MID2: variants seen among roughly 807,000 people sequenced by gnomAD.
The protein encoded by MID2 is midline 2.
In MID2, 13 loss-of-function variants were observed where a neutral mutation model predicts 46.1. That is an observed-to-expected ratio of 0.28 (90% CI 0.18 to 0.45). The LOEUF (loss-of-function observed/expected upper bound fraction) is 0.45. MID2 is among the 20% of genes least tolerant of loss of function. The pLI is 1.00. For synonymous variants in MID2, 199 were observed against 212.3 expected (o/e 0.94, Z 0.55); for missense variants, 431 against 575.4 (o/e 0.75, Z 2.57).
chrX:107,837,066 A>G (rs752327258), intron 1 of MID2, among the ~76,000 whole-genome samples: 7 of 111,741 alleles, frequency 6.3e-5, no homozygotes, highest in Non-Finnish European at 1.3e-4. Context: ...GGAAGTTCAG[A>G]AGTCCCCGGT....
At chrX:107,852,911 G>A (rs1931660109) in intron 2 of MID2, among the ~76,000 whole-genome samples, 1 of 111,659 alleles carries the variant, frequency 9.0e-6, no homozygotes, top group South Asian at 3.8e-4. Context: ...TAGCAGCGTA[G>A]CACTTAACAT....
At chrX:107,834,670 A>C (rs748764980) in intron 1 of MID2, among the ~76,000 whole-genome samples, 1 of 111,973 alleles carries the variant, frequency 8.9e-6, no homozygotes, top group East Asian at 2.8e-4. Flanking sequence ...TGTAACACTC[A>C]TTGATCACTA....
At chrX:107,888,011 CTCTTT>C (rs1250314216) in intron 3 of MID2, among the ~76,000 whole-genome samples, 1 of 111,552 alleles carries the variant, frequency 9.0e-6, no homozygotes, top group African/African-American at 3.3e-5. Flanking sequence ...TGATTCTTCT[CTCTTT>C]TCTTCTTTAT....
intron 2 of MID2, 149 bp from the exon 3 acceptor site, chrX:107,854,460 G>C (rs1931698326): frequency 4.5e-6 from 2 of 447,590 alleles, no homozygotes; most frequent in African/African-American, 4.8e-5. Flanking sequence ...ACGTAGATTA[G>C]TGCTTGGCTC....
intron 3 of MID2, among the ~76,000 whole-genome samples, chrX:107,869,927 G>A (rs1417008346): frequency 9.1e-6 from 1 of 109,416 alleles, no homozygotes; most frequent in Non-Finnish European, 1.9e-5. Flanking sequence ...ACTTTCTTTT[G>A]CCTCAGCTAA....
At chrX:107,889,613 C>T (rs1295179692) in intron 3 of MID2, among the ~76,000 whole-genome samples, 4 of 110,876 alleles carry the variant, frequency 3.6e-5, no homozygotes, top group Non-Finnish European at 7.6e-5. Context: ...TTGCTCTTCT[C>T]GAGGGTATCT....
At chrX:107,844,630 C>T (rs1931420414) in intron 2 of MID2, among the ~76,000 whole-genome samples, 2 of 111,072 alleles carry the variant, frequency 1.8e-5, no homozygotes, top group South Asian at 7.7e-4. Flanking sequence ...TGCTGATAGA[C>T]TTCAACTCAA....
At chrX:107,833,524 A>G (rs1310239586) in intron 1 of MID2, among the ~76,000 whole-genome samples, 2 of 109,787 alleles carry the variant, frequency 1.8e-5, no homozygotes, top group Non-Finnish European at 3.8e-5. Flanking sequence ...TGAAGGGAAT[A>G]CTATAACTCC....
intron 3 of MID2, among the ~76,000 whole-genome samples, chrX:107,862,301 A>G (rs1019822989): frequency 2.7e-5 from 3 of 111,798 alleles, no homozygotes; most frequent in Non-Finnish European, 5.6e-5. Context: ...AGGACTTCCA[A>G]AGCTTTTTAT....
intron 3 of MID2, among the ~76,000 whole-genome samples, chrX:107,870,951 A>G (rs1932051477): frequency 9.1e-6 from 1 of 110,136 alleles, no homozygotes; most frequent in Admixed American, 9.6e-5. Context: ...AGTTAGTTTC[A>G]TTTTGATTTT....
chrX:107,858,913 C>T (rs1461019228), intron 3 of MID2, among the ~76,000 whole-genome samples: 1 of 111,674 alleles, frequency 9.0e-6, no homozygotes, highest in African/African-American at 3.3e-5. Context: ...AAGAGCTGGA[C>T]GGCACTGCTC....
chrX:107,869,759 C>A, intron 3 of MID2, among the ~76,000 whole-genome samples: 1 of 110,616 alleles, frequency 9.0e-6, no homozygotes. Flanking sequence ...TTTTTAAAAG[C>A]ATATGGAGAA....
intron 3 of MID2, among the ~76,000 whole-genome samples, chrX:107,870,357 G>A (rs992892605): frequency 9.2e-6 from 1 of 108,833 alleles, no homozygotes; most frequent in Non-Finnish European, 1.9e-5. Flanking sequence ...AGACCTTTTT[G>A]TCTTTCTCTG....
At chrX:107,902,387 A>G (rs1230111647) in intron 3 of MID2, among the ~76,000 whole-genome samples, 2 of 111,775 alleles carry the variant, frequency 1.8e-5, no homozygotes, top group African/African-American at 6.5e-5. Flanking sequence ...GGACCCAGAG[A>G]AAACTAAATG....
In MID2 at chrX:107,927,074, G is replaced by A; in HGVS notation, c.*1G>A. On this transcript the variant is annotated 3_prime_UTR_variant, in exon 10 of 10. Coordinates refer to ENST00000262843, the MANE Select transcript of MID2 (RefSeq NM_012216.4). ...TTCTGGGATGAAAACCTGTCATTAA[G>A]TTTCAGGAGAGTATATAATTCACTG... 8.4e-7 allele frequency: 1 copy of A among 1,194,496 alleles called. No individual in the cohort carries two copies. The highest frequency in any genetic ancestry group is 1.1e-6 in the Non-Finnish European group (1 of 885,858).
At chrX:107,892,658 G>A (rs747275232) in intron 3 of MID2, among the ~76,000 whole-genome samples, 1 of 111,584 alleles carries the variant, frequency 9.0e-6, no homozygotes, top group South Asian at 3.8e-4. Context: ...ATTATGATCT[G>A]GCCCCTACCT....
chrX:107,856,630 A>G (rs775138719), intron 3 of MID2, among the ~76,000 whole-genome samples: 5 of 111,647 alleles, frequency 4.5e-5, no homozygotes, highest in African/African-American at 9.8e-5. Flanking sequence ...CTGCCAATCA[A>G]ACCTTTATGT....
chrX:107,866,259 T>C (rs1036748760), intron 3 of MID2, among the ~76,000 whole-genome samples: 1 of 112,005 alleles, frequency 8.9e-6, no homozygotes, highest in Admixed American at 9.5e-5. Flanking sequence ...TTATATTATA[T>C]TGGTAGCTCA....
intron 3 of MID2, among the ~76,000 whole-genome samples, chrX:107,863,000 T>C (rs1299450419): frequency 1.8e-5 from 2 of 112,039 alleles, no homozygotes; most frequent in Admixed American, 9.5e-5. Flanking sequence ...ACTACTGTAG[T>C]GACTAATTCA....
Sources: allele counts gnomAD v4.1 joint callset (sites outside exome capture counted in the v4.1 genomes callset), GRCh38; gene constraint gnomAD v4.1.1; transcripts MANE v1.5; gene names NCBI Gene and HGNC (gene_info 2026-07-23, HGNC 2026-07-21).